COL23A1: variants seen among roughly 807,000 people sequenced by gnomAD.
COL23A1 encodes the protein collagen type XXIII alpha 1 chain.
A neutral mutation model predicts 99.3 loss-of-function variants in COL23A1; 97 were observed. The ratio of observed to expected loss-of-function variants is 0.98; its 90% CI spans 0.83 to 1.16. The LOEUF is 1.16. Ranked by LOEUF, COL23A1 falls within the 50% of genes most tolerant of loss-of-function variation. COL23A1 has a pLI of 0.00. For synonymous variants in COL23A1, 320 were observed against 308.2 expected (o/e 1.04, Z -0.40); for missense variants, 762 against 757.4 (o/e 1.01, Z -0.07).
At chr5:178,328,276 G>A (rs12658349) in intron 2 of COL23A1, among the ~76,000 whole-genome samples, 8,585 of 152,140 alleles carry the variant, frequency 0.056, 331 homozygotes, top group East Asian at 0.14. Context: ...GCCCCACTGC[G>A]TTTTCACCTC....
intron 2 of COL23A1, among the ~76,000 whole-genome samples, chr5:178,406,267 G>A (rs1204675027): frequency 6.6e-6 from 1 of 152,150 alleles, no homozygotes; most frequent in Non-Finnish European, 1.5e-5. Context: ...GTATATGAAG[G>A]AAGCTTAAAA....
intron 2 of COL23A1, among the ~76,000 whole-genome samples, chr5:178,408,023 C>G (rs1764854325): frequency 1.3e-5 from 2 of 152,196 alleles, no homozygotes. Context: ...CCGAAGATTT[C>G]TACACCAAGA....
In COL23A1 at chr5:178,523,201, T is replaced by TATAGAGAGAGAGAG. The variant is rs1223542330; in HGVS notation, c.361+37480_361+37481insCTCTCTCTCTCTAT. Among the ~76,000 whole-genome samples the TATAGAGAGAGAGAG allele has an allele frequency of 5.9e-3, 454 of 77,544 alleles. 2 individuals are homozygous for TATAGAGAGAGAGAG. Among genetic ancestry groups the TATAGAGAGAGAGAG allele is most frequent in the Non-Finnish European group, 9.1e-3 (359 of 39,600 alleles). The allele number at this position is 77,544 out of a possible 152,430, so 50.9% of individuals were successfully genotyped here. The stretch of plus-strand genomic sequence containing the variant: ...ATACACATATATATATATATATATA[T>TATAGAGAGAGAGAG]AGAGAGAGAGAGAGAGAGAGAGAGA... On this transcript the variant is annotated intron_variant, in intron 2 of 28. Coordinates refer to ENST00000390654, the MANE Select transcript of COL23A1 (RefSeq NM_173465.4).
In COL23A1 at chr5:178,308,628, C is replaced by T. The variant is rs1052233905; in HGVS notation, c.362-1709G>A. ...CGAGGCCTGCGACACCCACACTGTC[C>T]GGCCAATTACCTTCCTATCTCCACG... On this transcript the variant is annotated intron_variant, in intron 2 of 28. Coordinates refer to ENST00000390654, the MANE Select transcript of COL23A1 (RefSeq NM_173465.4). The surrounding 1 kb of genome is among the most constrained non-coding windows in gnomAD (Gnocchi z 5.1). Among the ~76,000 whole-genome samples, 3 of 152,190 alleles carry T rather than the reference C, an allele frequency of 2.0e-5. No individual in the cohort carries two copies. Among genetic ancestry groups the T allele is most frequent in the Admixed American group, 6.5e-5 (1 of 15,282 alleles).
chr5:178,248,325 C>A, intron 19 of COL23A1, 71 bp from the exon 20 acceptor site: 1 of 1,189,322 alleles, frequency 8.4e-7, no homozygotes, highest in Non-Finnish European at 1.2e-6. Flanking sequence ...TGCTTAGTGA[C>A]CTCCCTTCCT....
intron 2 of COL23A1, among the ~76,000 whole-genome samples, chr5:178,493,509 C>T (rs1194466794): frequency 6.6e-6 from 1 of 152,254 alleles, no homozygotes; most frequent in African/African-American, 2.4e-5. Flanking sequence ...GGTCAGCCAC[C>T]TGCCCTACTC....
chr5:178,476,903 G>A (rs748743169), intron 2 of COL23A1, among the ~76,000 whole-genome samples: 3 of 152,236 alleles, frequency 2.0e-5, no homozygotes, highest in Non-Finnish European at 4.4e-5. Flanking sequence ...ACTTCTCTGA[G>A]ATTCCAAATA....
At chr5:178,367,377 G>A (rs979132358) in intron 2 of COL23A1, among the ~76,000 whole-genome samples, 5 of 145,816 alleles carry the variant, frequency 3.4e-5, no homozygotes, top group Non-Finnish European at 3.0e-5. Context: ...AGCAGCCAGA[G>A]TATCAGCAAG....
chr5:178,460,455 T>C (rs755118130), intron 2 of COL23A1, among the ~76,000 whole-genome samples: 1 of 149,796 alleles, frequency 6.7e-6, no homozygotes, highest in Non-Finnish European at 1.5e-5. Flanking sequence ...GTGGAGAAAA[T>C]AATCCTAATA....
intron 2 of COL23A1, among the ~76,000 whole-genome samples, chr5:178,453,046 C>T (rs1194102784): frequency 6.6e-6 from 1 of 152,176 alleles, no homozygotes; most frequent in Non-Finnish European, 1.5e-5. Flanking sequence ...AACCAGGGCA[C>T]ATCCATGCCA....
chr5:178,558,208 G>A (rs974312011), intron 2 of COL23A1, among the ~76,000 whole-genome samples: 2 of 152,010 alleles, frequency 1.3e-5, no homozygotes, highest in African/African-American at 2.4e-5. Flanking sequence ...CCTGATGGAA[G>A]GCAGGACACA....
At chr5:178,547,477 CCACA>C (rs1376559137) in intron 2 of COL23A1, among the ~76,000 whole-genome samples, 2 of 136,132 alleles carry the variant, frequency 1.5e-5, no homozygotes, top group Non-Finnish European at 1.6e-5. Flanking sequence ...ACCCACACAC[CCACA>C]CACACACCCA....
At chr5:178,261,211 G>C (rs10035408) in intron 11 of COL23A1, among the ~76,000 whole-genome samples, 2 of 152,066 alleles carry the variant, frequency 1.3e-5, no homozygotes, top group Non-Finnish European at 2.9e-5. Flanking sequence ...TCAGGAGTTC[G>C]AGACTAGCCT....
At chr5:178,463,424 G>C (rs1356193026) in intron 2 of COL23A1, among the ~76,000 whole-genome samples, 1 of 152,158 alleles carries the variant, frequency 6.6e-6, no homozygotes, top group Non-Finnish European at 1.5e-5. Context: ...ACTGTTACCG[G>C]GTCTGGAAAG....
intron 8 of COL23A1, among the ~76,000 whole-genome samples, chr5:178,267,106 A>G (rs1234761638): frequency 1.3e-5 from 2 of 151,892 alleles, no homozygotes; most frequent in Non-Finnish European, 2.9e-5. Flanking sequence ...TTCCAGAGAC[A>G]CTCCACCTGC....
intron 4 of COL23A1, among the ~76,000 whole-genome samples, chr5:178,290,090 C>T (rs1005529969): frequency 2.0e-5 from 3 of 152,038 alleles, no homozygotes; most frequent in Non-Finnish European, 2.9e-5. Context: ...CGCCACCACG[C>T]CTGGCTATTT....
intron 2 of COL23A1, among the ~76,000 whole-genome samples, chr5:178,406,428 C>CTTTTTTT (rs61274419): frequency 2.8e-5 from 4 of 142,038 alleles, no homozygotes; most frequent in Non-Finnish European, 4.6e-5. Flanking sequence ...TACCTACACT[C>CTTTTTTT]TTTTTTTTTT....
intron 25 of COL23A1, among the ~76,000 whole-genome samples, chr5:178,244,616 C>T (rs1764575842): frequency 6.6e-6 from 1 of 152,200 alleles, no homozygotes; most frequent in Admixed American, 6.5e-5. Context: ...CTTTACCTCA[C>T]CACCACGTGG....
chr5:178,580,465 C>CT (rs111280352), intron 1 of COL23A1, among the ~76,000 whole-genome samples: 44 of 146,856 alleles, frequency 3.0e-4, no homozygotes, highest in South Asian at 6.5e-4. Flanking sequence ...CATCTGCAAG[C>CT]TTTTTTTTTT....
Sources: gnomAD v4.1 joint callset for allele counts (sites outside exome capture counted in the v4.1 genomes callset) on GRCh38, gnomAD v4.1.1 for gene constraint, Gnocchi (gnomAD v3.1) non-coding constraint, MANE v1.5 for transcripts, NCBI Gene and HGNC (gene_info 2026-07-23, HGNC 2026-07-21) for gene names.